The following TBC1D19 variants were observed in gnomAD, a reference collection of about 807,000 sequenced individuals.
TBC1D19 encodes TBC1 domain family, member 19.
In TBC1D19, 60 loss-of-function variants were observed where a neutral mutation model predicts 89.0. The ratio of observed to expected loss-of-function variants is 0.67; its 90% CI spans 0.55 to 0.84. TBC1D19 has a LOEUF of 0.84. Among genes scored for constraint, TBC1D19 ranks in the 40% least tolerant of loss-of-function variants. The pLI, the probability that TBC1D19 is intolerant of heterozygous loss-of-function variation, is 0.00. For missense variants in TBC1D19, 500 were observed against 610.8 expected (o/e 0.82, Z 1.91); for synonymous variants, 189 against 199.7 (o/e 0.95, Z 0.45).
rs570926589 is a variant in TBC1D19, at chr4:26,722,764, C to T, written c.1084+2639C>T. On this transcript the variant is annotated intron_variant, in intron 15 of 20. Transcript: ENST00000264866. ...TTTCCAAGCAGTACTATATCCCAGG[C>T]AATGTGTTAAGTATATGACATATAT... is the stretch of plus-strand genomic sequence containing the variant. Among the ~76,000 whole-genome samples, 5 of 152,298 alleles carry T rather than the reference C, an allele frequency of 3.3e-5. No individual in the cohort carries two copies. The South Asian group carries it at 1.0e-3, about 32-fold the overall frequency.
At chr4:26,703,960 CAAA>C (rs11453747) in intron 13 of TBC1D19, among the ~76,000 whole-genome samples, 2 of 114,260 alleles carry the variant, frequency 1.8e-5, no homozygotes, top group Non-Finnish European at 1.7e-5. Context: ...GACTCCGTCT[CAAA>C]AAAAAAAAAA....
chr4:26,842,764 A>G, the TBC1D19 span, among the ~76,000 whole-genome samples: 1 of 151,646 alleles, frequency 6.6e-6, no homozygotes, highest in Non-Finnish European at 1.5e-5. Flanking sequence ...CAGCCTCCCC[A>G]AATGCTGGGA....
chr4:26,600,032 T>C (rs1045511203), intron 1 of TBC1D19, among the ~76,000 whole-genome samples: 2 of 152,004 alleles, frequency 1.3e-5, no homozygotes, highest in African/African-American at 4.8e-5. Flanking sequence ...TCAGCAATGT[T>C]ATTTTATGTT....
intron 4 of TBC1D19, among the ~76,000 whole-genome samples, chr4:26,627,288 A>T (rs1263184512): frequency 6.6e-6 from 1 of 152,098 alleles, no homozygotes; most frequent in Non-Finnish European, 1.5e-5. Context: ...CCAGTCTATC[A>T]TTGTTGGACA....
chr4:26,761,568 T>A, the TBC1D19 span, among the ~76,000 whole-genome samples: 2 of 152,202 alleles, frequency 1.3e-5, no homozygotes, highest in African/African-American at 4.8e-5. Context: ...GAGACCTTGC[T>A]AAGCTTACTA....
At chr4:26,683,216 A>G (rs1713516462) in intron 11 of TBC1D19, among the ~76,000 whole-genome samples, 1 of 152,154 alleles carries the variant, frequency 6.6e-6, no homozygotes, top group Admixed American at 6.5e-5. Context: ...TTGTGGGGCC[A>G]GGTTTCTTGA....
Position 26,688,281 on chromosome 4 carries a change from A to G in TBC1D19, c.892-64A>G. 7 of 1,487,382 alleles carry G rather than the reference A, an allele frequency of 4.7e-6. No individual in the cohort carries two copies. The South Asian group carries it at 5.3e-5, about 11-fold the overall frequency. 92.1% of individuals were successfully genotyped at this position (1,487,382 alleles called of 1,614,324 possible). On this transcript the variant is annotated intron_variant, in intron 12 of 20. Transcript: ENST00000264866. ...CAGTAGTGCTTCTAAATACATGTGT[A>G]TGCTTTAGTACTACAGACAGATCTG...
At chr4:26,815,100 CA>C in the TBC1D19 span, among the ~76,000 whole-genome samples, 1 of 151,976 alleles carries the variant, frequency 6.6e-6, no homozygotes, top group Admixed American at 6.6e-5. Context: ...ACAACTATAT[CA>C]CTCATTAAAA....
the TBC1D19 span, among the ~76,000 whole-genome samples, chr4:26,809,000 C>T: frequency 1.3e-5 from 2 of 152,168 alleles, no homozygotes; most frequent in Admixed American, 6.5e-5. Context: ...CTGCTCTGCC[C>T]AGCTGATCAA....
At chr4:26,749,962 A>G (rs888995319) in intron 19 of TBC1D19, among the ~76,000 whole-genome samples, 1 of 152,212 alleles carries the variant, frequency 6.6e-6, no homozygotes, top group East Asian at 1.9e-4. Flanking sequence ...GCAGTAACAT[A>G]TATAATCTAG....
intron 13 of TBC1D19, among the ~76,000 whole-genome samples, chr4:26,714,742 G>T (rs1001186769): frequency 6.6e-6 from 1 of 151,970 alleles, no homozygotes; most frequent in Non-Finnish European, 1.5e-5. Flanking sequence ...TTTCTTCTGA[G>T]ATCTTATTAA....
intron 11 of TBC1D19, among the ~76,000 whole-genome samples, chr4:26,678,156 G>C (rs1288002144): frequency 6.6e-6 from 1 of 152,186 alleles, no homozygotes; most frequent in Non-Finnish European, 1.5e-5. Context: ...TGTTGATAGT[G>C]ATATGGACAA....
At chr4:26,644,286 CAT>C (rs1159462329) in intron 7 of TBC1D19, among the ~76,000 whole-genome samples, 2 of 152,008 alleles carry the variant, frequency 1.3e-5, no homozygotes, top group African/African-American at 4.8e-5. Flanking sequence ...AATCAATAAA[CAT>C]AATCCATCAC....
At chr4:26,747,911 C>G (rs1165686475) in intron 18 of TBC1D19, among the ~76,000 whole-genome samples, 1 of 152,150 alleles carries the variant, frequency 6.6e-6, no homozygotes, top group Non-Finnish European at 1.5e-5. Context: ...AGCTTTAAAA[C>G]TATTTTTGTC....
intron 11 of TBC1D19, among the ~76,000 whole-genome samples, chr4:26,679,549 T>C (rs2109130144): frequency 6.6e-6 from 1 of 152,168 alleles, no homozygotes; most frequent in Middle Eastern, 3.4e-3. Context: ...AGAAGGGAAA[T>C]GTGGGTTGGA....
At chr4:26,807,602 G>T in the TBC1D19 span, among the ~76,000 whole-genome samples, 1 of 152,184 alleles carries the variant, frequency 6.6e-6, no homozygotes, top group Non-Finnish European at 1.5e-5. Flanking sequence ...CCACCCCTCA[G>T]TGTGCCACTT....
At chr4:26,792,604 A>AC in the TBC1D19 span, among the ~76,000 whole-genome samples, 2 of 152,246 alleles carry the variant, frequency 1.3e-5, no homozygotes, top group Non-Finnish European at 2.9e-5. Flanking sequence ...GGCTGAAGCA[A>AC]CCTGCGTAAG....
the TBC1D19 span, among the ~76,000 whole-genome samples, chr4:26,796,728 A>G: frequency 6.6e-6 from 1 of 152,188 alleles, no homozygotes; most frequent in Non-Finnish European, 1.5e-5. Context: ...AAACATTTAA[A>G]AAGAAAATAG....
intron 4 of TBC1D19, among the ~76,000 whole-genome samples, chr4:26,630,975 G>A (rs1367348894): frequency 6.6e-6 from 1 of 151,958 alleles, no homozygotes; most frequent in Non-Finnish European, 1.5e-5. Context: ...TCCCCTCATT[G>A]TCAGGAAATT....
Sources: gnomAD v4.1 joint callset for allele counts (sites outside exome capture counted in the v4.1 genomes callset) on GRCh38, gnomAD v4.1.1 for gene constraint, MANE v1.5 for transcripts, NCBI Gene and HGNC (gene_info 2026-07-23, HGNC 2026-07-21) for gene names.